The following NRXN3 variants were observed in gnomAD, a reference collection of about 807,000 sequenced individuals.
NRXN3 encodes the protein neurexin III.
A neutral mutation model predicts 137.6 loss-of-function variants in NRXN3; 32 were observed. That is an observed-to-expected ratio of 0.23 (90% CI 0.18 to 0.31). The LOEUF is 0.31. Among genes scored for constraint, NRXN3 ranks in the 10% least tolerant of loss-of-function variants. The pLI is 1.00. For synonymous variants in NRXN3, 798 were observed against 784.5 expected, an observed-to-expected ratio of 1.02 and a Z score of -0.29; for missense variants, 1,574 against 2,062.5, an observed-to-expected ratio of 0.76 and a Z score of 4.59.
At chr14:79,464,562 G>A (rs1381878341) in intron 15 of NRXN3, among the ~76,000 whole-genome samples, 1 of 152,156 alleles carries the variant, frequency 6.6e-6, no homozygotes, top group Non-Finnish European at 1.5e-5. Context: ...GCTTAAAGTT[G>A]TTGATATGGT....
At chr14:78,571,389 G>A (rs891007479) in intron 4 of NRXN3, among the ~76,000 whole-genome samples, 1 of 152,158 alleles carries the variant, frequency 6.6e-6, no homozygotes, top group Admixed American at 6.5e-5. Flanking sequence ...AAACTCAGAA[G>A]AGAAAAATGA....
chr14:78,996,568 T>C (rs2099530509), intron 15 of NRXN3, among the ~76,000 whole-genome samples: 1 of 152,156 alleles, frequency 6.6e-6, no homozygotes, highest in South Asian at 2.1e-4. Flanking sequence ...GTTATTCTTT[T>C]GGGGGGGATG....
intron 8 of NRXN3, among the ~76,000 whole-genome samples, chr14:78,739,021 C>A (rs1381138319): frequency 6.6e-6 from 1 of 152,144 alleles, no homozygotes; most frequent in African/African-American, 2.4e-5. Flanking sequence ...TGTCTCTGTC[C>A]CAGAGCCTGC....
intron 15 of NRXN3, among the ~76,000 whole-genome samples, chr14:79,329,002 G>A (rs2091300714): frequency 6.6e-6 from 1 of 152,138 alleles, no homozygotes; most frequent in South Asian, 2.1e-4. Context: ...ATTCATGGAA[G>A]TAACATGAGT....
intron 19 of NRXN3, among the ~76,000 whole-genome samples, chr14:79,768,715 C>A (rs1209606170): frequency 1.3e-5 from 2 of 152,188 alleles, no homozygotes; most frequent in Non-Finnish European, 2.9e-5. Context: ...AAGCAGAGCG[C>A]CTCTCCTCCT....
intron 16 of NRXN3, among the ~76,000 whole-genome samples, chr14:79,505,773 A>C (rs1205074526): frequency 6.6e-6 from 1 of 152,184 alleles, no homozygotes; most frequent in Non-Finnish European, 1.5e-5. Flanking sequence ...TGGATGGATT[A>C]GGCACTTGAT....
intron 15 of NRXN3, among the ~76,000 whole-genome samples, chr14:79,268,791 A>ATT (rs2078839641): frequency 6.6e-6 from 1 of 152,170 alleles, no homozygotes; most frequent in Non-Finnish European, 1.5e-5. Context: ...ATTTTCTCCA[A>ATT]TTGTAAAACA....
At chr14:79,291,280 A>G (rs1243960136) in intron 15 of NRXN3, among the ~76,000 whole-genome samples, 1 of 152,174 alleles carries the variant, frequency 6.6e-6, no homozygotes, top group Non-Finnish European at 1.5e-5. Context: ...ACTTTTTATT[A>G]TGCCTAACAT....
chr14:79,822,370 A>G (rs1389583672), intron 20 of NRXN3, among the ~76,000 whole-genome samples: 1 of 152,192 alleles, frequency 6.6e-6, no homozygotes, highest in Non-Finnish European at 1.5e-5. Flanking sequence ...ACTGCCCTAT[A>G]TTTGGATACT....
chr14:78,769,841 A>G (rs1365910146), intron 8 of NRXN3, among the ~76,000 whole-genome samples: 4 of 152,186 alleles, frequency 2.6e-5, no homozygotes, highest in Non-Finnish European at 4.4e-5. Context: ...TAGAGACAAG[A>G]AACTTCCATC....
chr14:79,681,353 C>A (rs2098669280), intron 17 of NRXN3, among the ~76,000 whole-genome samples: 1 of 152,174 alleles, frequency 6.6e-6, no homozygotes, highest in Admixed American at 6.5e-5. Flanking sequence ...TTTAGGTTCG[C>A]TGCATTGCAA....
intron 15 of NRXN3, among the ~76,000 whole-genome samples, chr14:79,465,700 G>A (rs1213214771): frequency 2.0e-5 from 3 of 152,174 alleles, no homozygotes; most frequent in Non-Finnish European, 4.4e-5. Context: ...CAGTGCTTGA[G>A]ATTTTTAGTA....
chr14:79,000,474 G>A (rs2099539186), intron 15 of NRXN3, among the ~76,000 whole-genome samples: 1 of 152,156 alleles, frequency 6.6e-6, no homozygotes, highest in African/African-American at 2.4e-5. Flanking sequence ...CTGCCTTTGT[G>A]GATGTTTGGC....
chr14:79,648,680 TAG>T (rs1331710469), intron 16 of NRXN3, among the ~76,000 whole-genome samples: 4 of 85,914 alleles, frequency 4.7e-5, no homozygotes, highest in African/African-American at 1.1e-4. Context: ...CTCTCTGTGG[TAG>T]AGGCATGACT....
chr14:78,352,366 C>T lies in NRXN3; in HGVS notation c.757+54506C>T, dbSNP rs189771356. Among the ~76,000 whole-genome samples, 29 of 152,290 alleles carry T rather than the reference C, an allele frequency of 1.9e-4. 1 individual carries two copies. The highest frequency in any genetic ancestry group is 1.9e-3 in the Admixed American group (29 of 15,294). Reference sequence around the variant, plus strand: ...ATATGTCCTTATCTCTGGAAGGTCTCTTTCCTGGCTCTTGCTCTGTGTGTT... The same window carrying T: ...ATATGTCCTTATCTCTGGAAGGTCTTTTTCCTGGCTCTTGCTCTGTGTGTT... On this transcript the variant is annotated intron_variant, in intron 4 of 20. Transcript: ENST00000335750.
chr14:79,840,483 TG>T (rs2099353704), intron 20 of NRXN3, among the ~76,000 whole-genome samples: 1 of 152,202 alleles, frequency 6.6e-6, no homozygotes, highest in South Asian at 2.1e-4. Context: ...GGATCTCCTG[TG>T]GAAGTTGTTT....
At chr14:78,929,649 G>T (rs980545231) in intron 10 of NRXN3, among the ~76,000 whole-genome samples, 1 of 152,124 alleles carries the variant, frequency 6.6e-6, no homozygotes, top group Non-Finnish European at 1.5e-5. Flanking sequence ...GTGCTTCAGT[G>T]AACATACACA....
chr14:79,801,423 A>G (rs2099180199), intron 19 of NRXN3, among the ~76,000 whole-genome samples: 1 of 152,210 alleles, frequency 6.6e-6, no homozygotes, highest in African/African-American at 2.4e-5. Flanking sequence ...GCAGATACCA[A>G]ATTTATTTAA....
rs923645566 is a variant in NRXN3, at chr14:79,071,171, T to C, written c.3262+83030T>C. The stretch of plus-strand genomic sequence containing the variant: ...GCCTCTCGGTTGTGCTATTCAGTGA[T>C]GAATAACACAGAGCTTGATTGTTCT... On this transcript the variant is annotated intron_variant, in intron 15 of 20. Coordinates refer to ENST00000335750, the MANE Select transcript of NRXN3 (RefSeq NM_001330195.2). 3.3e-5 allele frequency among the ~76,000 whole-genome samples: 5 copies of C among 152,138 alleles called. No individual in the cohort carries two copies. The East Asian group carries it at 9.6e-4, about 29-fold the overall frequency.
Sources: gnomAD v4.1 joint callset for allele counts (sites outside exome capture counted in the v4.1 genomes callset) on GRCh38, gnomAD v4.1.1 for gene constraint, MANE v1.5 for transcripts, NCBI Gene and HGNC (gene_info 2026-07-23, HGNC 2026-07-21) for gene names.